Variants in USP31 observed in about 807,000 individuals in gnomAD.
USP31 encodes the protein ubiquitin carboxyl-terminal hydrolase 31.
Under a neutral mutation model 119.4 loss-of-function variants are expected in USP31, and 44 were observed. The ratio of observed to expected loss-of-function variants is 0.37; its 90% CI spans 0.29 to 0.47. The LOEUF (loss-of-function observed/expected upper bound fraction) is 0.47, where lower values mean the gene tolerates loss of function less well. Ranked by LOEUF, USP31 falls within the 20% of genes least tolerant of loss-of-function variation. The probability of loss-of-function intolerance (pLI) is 0.99; values close to 1 mark genes in which losing one functional copy is unlikely to be tolerated. For missense variants in USP31, 1,643 were observed against 1,730.2 expected (o/e 0.95, Z 0.89); for synonymous variants, 749 against 705.6 (o/e 1.06, Z -0.97).
At chr16:23,129,948 G>A (rs114160942) in intron 1 of USP31, among the ~76,000 whole-genome samples, 1 of 152,232 alleles carries the variant, frequency 6.6e-6, no homozygotes, top group African/African-American at 2.4e-5. Context: ...AGTAGTCAGG[G>A]GACTGTGAAA....
chr16:23,068,551 C>A lies in USP31; in HGVS notation c.3554G>T (p.Arg1185Leu), dbSNP rs137891895. The A allele has an allele frequency of 6.4e-4, 1,036 of 1,613,876 alleles. 1 individual carries two copies. Among genetic ancestry groups the A allele is most frequent in the Non-Finnish European group, 8.1e-4 (957 of 1,179,978 alleles). ...CCCGGCCCCCCTGCCCTCCCCTGCTCGGGCCTGGCTCACCCGAGGGGAATT... is the reference window on the plus strand; with the variant it reads ...CCCGGCCCCCCTGCCCTCCCCTGCTAGGGCCTGGCTCACCCGAGGGGAATT... ...KPNSPRVSQA[R>L]AGEGRGAGKH... The change falls in exon 16 of 16, where the codon CGA (arginine) becomes CTA (leucine). Residue 1185 changes from arginine to leucine, a missense_variant. Around this residue, in one of 5 missense-constraint regions of USP31, gnomAD observed 699 missense variants for 650.9 expected, o/e 1.07. Transcript: ENST00000219689.
rs550882000 is a variant in USP31, at chr16:23,085,055, T to C, written c.1701-66A>G. On this transcript the variant is annotated intron_variant, in intron 10 of 15. Transcript: ENST00000219689. The stretch of plus-strand genomic sequence containing the variant: ...CAAAACAGAAGGAAAAATACAATTA[T>C]GGCTTCATGAAGTGACTACAAACTC... The C allele has an allele frequency of 4.4e-6, 7 of 1,583,916 alleles. No homozygotes were observed. In the African/African-American group the frequency reaches 5.4e-5, roughly 12 times the overall value.
At chr16:23,147,837 T>C (rs1406223794) in intron 1 of USP31, among the ~76,000 whole-genome samples, 1 of 152,062 alleles carries the variant, frequency 6.6e-6, no homozygotes, top group East Asian at 1.9e-4. Flanking sequence ...TTAAATACTC[T>C]GGAAGGTGAG....
Position 23,084,913 on chromosome 16 carries a change from G to C in USP31, c.1777C>G (p.Pro593Ala). Reference protein sequence around the residue: ...VRLQRERHHQPQTCTLSQCFQ... With the variant: ...VRLQRERHHQAQTCTLSQCFQ... ...CACTGGGATAAAGTGCAGGTTTGAG[G>C]CTGATGATGACGCTCCCTTTGCAGA... The change falls in exon 11 of 16, where the codon CCT (proline) becomes GCT (alanine). Residue 593 changes from proline (P) to alanine (A), a missense_variant. This residue lies in a region of USP31 where 279 missense variants were observed against 372.2 expected (regional missense o/e 0.75). Transcript: ENST00000219689. 2 of 1,614,110 alleles carry C rather than the reference G, an allele frequency of 1.2e-6. No homozygotes were observed. Among genetic ancestry groups the C allele is most frequent in the Non-Finnish European group, 1.7e-6 (2 of 1,180,038 alleles).
At chr16:23,075,587 T>C (rs1276122982) in intron 13 of USP31, among the ~76,000 whole-genome samples, 2 of 152,200 alleles carry the variant, frequency 1.3e-5, no homozygotes, top group African/African-American at 4.8e-5. Context: ...AAAACTTTTA[T>C]AGCAATCTGA....
chr16:23,148,533 GC>G, intron 1 of USP31, 104 bp downstream of exon 1: 1 of 1,362,424 alleles, frequency 7.3e-7, no homozygotes. Flanking sequence ...AGCAACCAAT[GC>G]AGAAGCCTGC....
intron 1 of USP31, among the ~76,000 whole-genome samples, chr16:23,126,626 C>CA (rs78273190): frequency 0.026 from 2,829 of 107,086 alleles, 35 homozygotes; most frequent in African/African-American, 0.043. Context: ...GACTCTGTCT[C>CA]AAAAAAAAAA....
rs145073682 is a variant in USP31, at chr16:23,119,847, G to T, written c.634-11664C>A. On this transcript the variant is annotated intron_variant, in intron 1 of 15. Coordinates refer to ENST00000219689, the MANE Select transcript of USP31 (RefSeq NM_020718.4). ...AGAAAGCAAACACACCAGAGACAAAGATCTGGCTTTAGGGAACTCCATCTG... is the reference window on the plus strand; with the variant it reads ...AGAAAGCAAACACACCAGAGACAAATATCTGGCTTTAGGGAACTCCATCTG... Among the ~76,000 whole-genome samples, 127 of 152,312 alleles carry T rather than the reference G, an allele frequency of 8.3e-4. 1 individual carries two copies. Among genetic ancestry groups the T allele is most frequent in the African/African-American group, 2.8e-3 (118 of 41,574 alleles).
At position 23,064,714 on chromosome 16, in the gene USP31, C is replaced by T. The variant is rs541372228; in HGVS notation, c.*3332G>A. 6.6e-6 allele frequency: 1 copy of T among 152,338 alleles called. No individual in the cohort carries two copies. The highest frequency in any genetic ancestry group is 6.5e-5 in the Admixed American group (1 of 15,304). The allele number at this position is 152,338 out of a possible 1,614,324, so 9.4% of individuals were successfully genotyped here. ...ACTGTCACTCCATTTAGGACACCATCACATCCCTTGCTTGATGGGCTGTGC... is the reference window on the plus strand; with the variant it reads ...ACTGTCACTCCATTTAGGACACCATTACATCCCTTGCTTGATGGGCTGTGC... On this transcript the variant is annotated 3_prime_UTR_variant, in exon 16 of 16. Transcript: ENST00000219689.
chr16:23,099,177 T>G lies in USP31; in HGVS notation c.1234+3142A>C, dbSNP rs148615788. ...GGCAAAGGGTATGAACAGACACTTC[T>G]CAAAAGAAGACATTTATGCAGCCAA... On this transcript the variant is annotated intron_variant, in intron 6 of 15. Coordinates refer to ENST00000219689, the MANE Select transcript of USP31 (RefSeq NM_020718.4). Among the ~76,000 whole-genome samples the G allele has an allele frequency of 1.7e-4, 26 of 152,274 alleles. 1 individual carries two copies. Among genetic ancestry groups the G allele is most frequent in the Admixed American group, 1.7e-3 (26 of 15,290 alleles).
chr16:23,145,423 A>C (rs1430755898), intron 1 of USP31, among the ~76,000 whole-genome samples: 1 of 152,178 alleles, frequency 6.6e-6, no homozygotes, highest in Admixed American at 6.5e-5. Context: ...GCTCCCTGGG[A>C]GGTAAACCCC....
chr16:23,124,230 T>C (rs552636171), intron 1 of USP31, among the ~76,000 whole-genome samples: 5 of 152,260 alleles, frequency 3.3e-5, no homozygotes, highest in African/African-American at 1.2e-4. Flanking sequence ...CAATCAATGA[T>C]GTTCATAACA....
intron 1 of USP31, among the ~76,000 whole-genome samples, chr16:23,135,946 A>G (rs779062243): frequency 6.6e-6 from 1 of 152,266 alleles, no homozygotes; most frequent in African/African-American, 2.4e-5. Flanking sequence ...ACACAGCTAC[A>G]GCAATGAGAA....
At chr16:23,102,253 T>G in intron 6 of USP31, 66 bp downstream of exon 6, 1 of 1,525,400 alleles carries the variant, frequency 6.6e-7, no homozygotes, top group Non-Finnish European at 8.8e-7. Flanking sequence ...AATAGACAAC[T>G]AAAAAGGTAG....
intron 1 of USP31, among the ~76,000 whole-genome samples, chr16:23,147,619 G>C (rs1346126884): frequency 6.6e-6 from 1 of 152,186 alleles, no homozygotes; most frequent in African/African-American, 2.4e-5. Context: ...CAGCAAAGGA[G>C]GGCTTGGCCA....
chr16:23,071,425 T>C (rs1179989683), intron 15 of USP31, among the ~76,000 whole-genome samples: 2 of 147,868 alleles, frequency 1.4e-5, no homozygotes, highest in East Asian at 4.0e-4. Flanking sequence ...CTGTCGAAAC[T>C]AAGGTCTATC....
At chr16:23,103,787 C>T (rs538967929) in intron 5 of USP31, among the ~76,000 whole-genome samples, 19 of 152,144 alleles carry the variant, frequency 1.2e-4, no homozygotes, top group Middle Eastern at 3.4e-3. Flanking sequence ...TGGTGGCATG[C>T]GCCTACAGTC....
rs1369669277 is a variant in USP31 at position 23,087,108 on chromosome 16, G to T, written c.1606C>A (p.His536Asn). The T allele has an allele frequency of 6.2e-7, 1 of 1,612,650 alleles. No individual in the cohort carries two copies. Among genetic ancestry groups the T allele is most frequent in the Non-Finnish European group, 8.5e-7 (1 of 1,179,556 alleles). ...LLPQEEQPLC[H>N]PIVERALKSC... ...TTTTTTTACCTTTCTACTATTGGGTGGCACAAGGGCTGCTCCTCCTGGGGC... is the reference window on the plus strand; with the variant it reads ...TTTTTTTACCTTTCTACTATTGGGTTGCACAAGGGCTGCTCCTCCTGGGGC... The change falls in exon 9 of 16, where the codon CAC becomes AAC. Residue 536 changes from histidine to asparagine, a missense_variant. His to Asn is a moderately conservative substitution (Grantham distance 68). Around this residue, in one of 5 missense-constraint regions of USP31, gnomAD observed 219 missense variants for 226.4 expected, o/e 0.97. Coordinates refer to ENST00000219689, the MANE Select transcript of USP31 (RefSeq NM_020718.4).
rs1182921175 is a variant in USP31, at chr16:23,068,076, G to A, written c.4029C>T (p.Thr1343=). The A allele has an allele frequency of 1.2e-6, 2 of 1,614,072 alleles. No homozygotes were observed. Among genetic ancestry groups the A allele is most frequent in the Non-Finnish European group, 1.7e-6 (2 of 1,179,966 alleles). ...SSKKLSSSMQ[T]SARPSQKPQ Reference sequence around the variant, plus strand: ...GAGGTTTTTGAGAAGGCCGTGCAGAGGTTTGCATGCTAGAAGATAACTTTT... The same window carrying A: ...GAGGTTTTTGAGAAGGCCGTGCAGAAGTTTGCATGCTAGAAGATAACTTTT... Residue 1343 remains threonine (T), a synonymous_variant, in exon 16 of 16, where the codon ACC becomes ACT. Coordinates refer to ENST00000219689, the MANE Select transcript of USP31 (RefSeq NM_020718.4).
Sources: allele counts gnomAD v4.1 joint callset (sites outside exome capture counted in the v4.1 genomes callset), GRCh38; gene constraint gnomAD v4.1.1; regional missense constraint gnomAD v4.1.1; transcripts MANE v1.5; gene names NCBI Gene and HGNC (gene_info 2026-07-23, HGNC 2026-07-21).